SELENON: variants seen among roughly 807,000 people sequenced by gnomAD.
The protein encoded by SELENON is selenoprotein N, also known as selenoprotein N, 1.
Under a neutral mutation model 59.5 loss-of-function variants are expected in SELENON, and 44 were observed. The observed-to-expected ratio is 0.74, with a 90% CI of 0.58 to 0.95. The LOEUF (loss-of-function observed/expected upper bound fraction) is 0.95, where lower values mean the gene tolerates loss of function less well. SELENON is among the 40% of genes least tolerant of loss of function. The pLI, the probability that SELENON is intolerant of heterozygous loss-of-function variation, is 0.00. For missense variants in SELENON, 674 were observed against 721.4 expected (o/e 0.93, Z 0.75); for synonymous variants, 320 against 305.6 (o/e 1.05, Z -0.49).
At chr1:25,805,834 C>T (rs1352179543) in intron 4 of SELENON, among the ~76,000 whole-genome samples, 1 of 152,098 alleles carries the variant, frequency 6.6e-6, no homozygotes, top group African/African-American at 2.4e-5. Flanking sequence ...CAGATGCTCT[C>T]CTTGCCAGCC....
In SELENON at chr1:25,807,110, A is replaced by C. The variant is rs1022121300; in HGVS notation, c.538-1470A>C. ...TTATAGGCGTACAGGGATTATAGGG[A>C]TTACAGGTGTGAGCCACCATGCCCG... On this transcript the variant is annotated intron_variant, in intron 4 of 12. Transcript: ENST00000361547. The surrounding 1 kb of genome is among the most constrained non-coding windows in gnomAD (Gnocchi z 4.5). 3.3e-5 allele frequency among the ~76,000 whole-genome samples: 5 copies of C among 151,956 alleles called. No individual in the cohort carries two copies. Among genetic ancestry groups the C allele is most frequent in the Admixed American group, 2.6e-4 (4 of 15,268 alleles).
intron 10 of SELENON, among the ~76,000 whole-genome samples, chr1:25,813,374 C>T (rs2124453689): frequency 6.6e-6 from 1 of 152,302 alleles, no homozygotes; most frequent in Non-Finnish European, 1.5e-5. Flanking sequence ...GGTCCCTGCC[C>T]TCAAAGGGGG....
At position 25,812,536 on chromosome 1, in the gene SELENON, TACAC is replaced by T. The variant is rs373710518; in HGVS notation, c.1282-147_1282-144del. The T allele has an allele frequency of 4.3e-4, 272 of 634,818 alleles. 2 individuals are homozygous for T. The African/African-American group carries it at 4.5e-3, about 11-fold the overall frequency. The allele number at this position is 634,818 out of a possible 1,614,324, so 39.3% of individuals were successfully genotyped here. On this transcript the variant is annotated intron_variant, in intron 9 of 12. Coordinates refer to ENST00000361547, the MANE Select transcript of SELENON (RefSeq NM_020451.3). ...ATACAAATGTACATATACACAGACA[TACAC>T]ACAAATATATATGCCTACACACAAA...
intron 11 of SELENON, 40 bp from the exon 11 acceptor site, chr1:25,814,037 T>G (rs1464676670): frequency 8.1e-6 from 13 of 1,611,114 alleles, no homozygotes; most frequent in Non-Finnish European, 1.1e-5. Flanking sequence ...GGAACAGTGG[T>G]GGGGGCCGCG....
intron 6 of SELENON, 51 bp from the exon 6 acceptor site, chr1:25,809,632 T>C: frequency 6.2e-7 from 1 of 1,609,792 alleles, no homozygotes; most frequent in Non-Finnish European, 8.5e-7. Flanking sequence ...CTTCCCGGGC[T>C]CCTGGGGAGA....
chr1:25,802,955 T>C (rs2047872666), intron 3 of SELENON, among the ~76,000 whole-genome samples: 1 of 152,208 alleles, frequency 6.6e-6, no homozygotes, highest in African/African-American at 2.4e-5. Flanking sequence ...GCGCTGTCAC[T>C]AGCCTGCTGT....
chr1:25,806,981 C>T (rs1387763149), intron 4 of SELENON, among the ~76,000 whole-genome samples: 1 of 152,052 alleles, frequency 6.6e-6, no homozygotes, highest in Non-Finnish European at 1.5e-5. Flanking sequence ...ACCACCACAC[C>T]CGGCTAATTT....
At chr1:25,811,962 G>T in intron 9 of SELENON, 83 bp downstream of exon 8, 1 of 1,353,264 alleles carries the variant, frequency 7.4e-7, no homozygotes, top group Non-Finnish European at 1.0e-6. Context: ...GGGCACAGAC[G>T]CTGGTATGTG....
At chr1:25,804,265 G>A (rs990913369) in intron 3 of SELENON, among the ~76,000 whole-genome samples, 2 of 152,140 alleles carry the variant, frequency 1.3e-5, no homozygotes, top group East Asian at 3.9e-4. Flanking sequence ...TCTGAGGTGG[G>A]TTGTGAGCAT....
chr1:25,811,917 CAT>C (rs2047964252), intron 9 of SELENON, 38 bp downstream of exon 8: 2 of 1,542,638 alleles, frequency 1.3e-6, no homozygotes, highest in African/African-American at 2.7e-5. Context: ...GGTCAGGCTG[CAT>C]GGGCAGAGGC....
At chr1:25,805,844 C>T (rs1463226624) in intron 4 of SELENON, among the ~76,000 whole-genome samples, 1 of 152,038 alleles carries the variant, frequency 6.6e-6, no homozygotes, top group Non-Finnish European at 1.5e-5. Flanking sequence ...CCTTGCCAGC[C>T]CCTCCCCAAC....
chr1:25,804,343 CA>C (rs1163779936), intron 3 of SELENON, among the ~76,000 whole-genome samples: 1 of 152,160 alleles, frequency 6.6e-6, no homozygotes, highest in Non-Finnish European at 1.5e-5. Context: ...ATGCATCATT[CA>C]GCCTGCTAGC....
At chr1:25,802,841 G>A (rs1466717289) in intron 3 of SELENON, among the ~76,000 whole-genome samples, 1 of 152,164 alleles carries the variant, frequency 6.6e-6, no homozygotes, top group East Asian at 1.9e-4. Context: ...TTGAACTTAG[G>A]ATCTTGGACA....
At position 25,800,345 on chromosome 1, in the gene SELENON, G is replaced by A; in HGVS notation, c.115G>A (p.Ala39Thr). The change falls in exon 1 of 13, where the codon GCC becomes ACC. Residue 39 changes from alanine to threonine, a missense_variant. Ala to Thr is a moderately conservative substitution (Grantham distance 58). Coordinates refer to ENST00000361547, the MANE Select transcript of SELENON (RefSeq NM_020451.3). ...CCTGGCGCTGCTCGGAGCCCTGCTG[G>A]CCGCCGCCGCTGCCGCCGCCGTCCG... 1 of 1,026,414 alleles carries A rather than the reference G, an allele frequency of 9.7e-7. No individual in the cohort carries two copies. The highest frequency in any genetic ancestry group is 4.7e-4 in the Middle Eastern group (1 of 2,124). 63.6% of individuals were successfully genotyped at this position (1,026,414 alleles called of 1,614,324 possible).
In SELENON at chr1:25,811,773, CAG is replaced by C. The variant is rs1557432168; in HGVS notation, c.1176_1177del (p.Glu394AlafsTer?). The C allele has an allele frequency of 6.3e-7, 1 of 1,592,412 alleles. No homozygotes were observed. The highest frequency in any genetic ancestry group is 1.8e-5 in the Admixed American group (1 of 55,242). Reference sequence around the variant, plus strand: ...AGCATGATCGACAGCCACCTGCCTTCAGGGGAGCCCCTGCAGTTTGTGTTTGA... The same window carrying C: ...AGCATGATCGACAGCCACCTGCCTTCGGGAGCCCCTGCAGTTTGTGTTTGA... On this transcript the variant is annotated frameshift_variant, in exon 9 of 13. Coordinates refer to ENST00000361547, the MANE Select transcript of SELENON (RefSeq NM_020451.3). LOFTEE classifies it high-confidence loss of function.
At chr1:25,812,665 C>T in intron 9 of SELENON, 22 bp from the exon 9 acceptor site, 3 of 1,596,894 alleles carry the variant, frequency 1.9e-6, no homozygotes, top group Middle Eastern at 2.2e-4. Context: ...GATGGCTTCG[C>T]TCTGTCTCGG....
At position 25,818,178 on chromosome 1, in the gene SELENON, C is replaced by G. The variant is rs553625966; in HGVS notation, c.*2460C>G. On this transcript the variant is annotated 3_prime_UTR_variant, in exon 13 of 13. Transcript: ENST00000361547. Reference sequence around the variant, plus strand: ...CCTGTCACTCCTCTAACACTTCCCTCCCCTGTCCCCAACATGCCCTGTAAT... The same window carrying G: ...CCTGTCACTCCTCTAACACTTCCCTGCCCTGTCCCCAACATGCCCTGTAAT... 1 of 152,348 alleles carries G rather than the reference C, an allele frequency of 6.6e-6. No homozygotes were observed. Among genetic ancestry groups the G allele is most frequent in the Non-Finnish European group, 1.5e-5 (1 of 68,148 alleles). 9.4% of individuals were successfully genotyped at this position (152,348 alleles called of 1,614,324 possible).
At chr1:25,812,932 G>A (rs983942511) in intron 10 of SELENON, 140 bp downstream of exon 9, 7 of 647,536 alleles carry the variant, frequency 1.1e-5, no homozygotes, top group Admixed American at 2.8e-5. Flanking sequence ...CGTGGGGTGA[G>A]GGCTTGGGGG....
At chr1:25,805,410 T>A (rs1487745175) in intron 4 of SELENON, 135 bp downstream of exon 3, 2 of 1,200,442 alleles carry the variant, frequency 1.7e-6, no homozygotes, top group East Asian at 2.4e-5. Context: ...TGCGGTGATG[T>A]TGTCCCTGCT....
Sources: gnomAD v4.1 joint callset for allele counts (sites outside exome capture counted in the v4.1 genomes callset) on GRCh38, gnomAD v4.1.1 for gene constraint, Gnocchi (gnomAD v3.1) non-coding constraint, MANE v1.5 for transcripts, NCBI Gene and HGNC (gene_info 2026-07-23, HGNC 2026-07-21) for gene names.